RANBP2: variants seen among roughly 807,000 people sequenced by gnomAD.
RANBP2 encodes RAN binding protein 2, also known as E3 SUMO-protein ligase RanBP2.
RANBP2 carries 57 observed loss-of-function variants against 303.6 expected under a neutral mutation model. The ratio of observed to expected loss-of-function variants is 0.19; its 90% CI spans 0.15 to 0.23. The LOEUF (loss-of-function observed/expected upper bound fraction) is 0.23, where lower values mean the gene tolerates loss of function less well. RANBP2 is among the 10% of genes least tolerant of loss of function. The pLI is 1.00. For synonymous variants in RANBP2, 1,167 were observed against 1,301.5 expected (o/e 0.90, Z 2.23); for missense variants, 3,138 against 3,780.8 (o/e 0.83, Z 4.46).
At chr2:109,008,733 T>C in the RANBP2 span, among the ~76,000 whole-genome samples, 1 of 151,322 alleles carries the variant, frequency 6.6e-6, no homozygotes, top group Admixed American at 6.6e-5. Context: ...AAACCCCGTC[T>C]TTACTAAAAA....
the RANBP2 span, among the ~76,000 whole-genome samples, chr2:109,590,056 G>GTA: frequency 4.8e-4 from 70 of 145,010 alleles, no homozygotes; most frequent in Non-Finnish European, 5.4e-4. Context: ...ATATGTGTGT[G>GTA]TATATATATA....
the RANBP2 span, among the ~76,000 whole-genome samples, chr2:109,649,327 A>G: frequency 6.6e-6 from 1 of 152,124 alleles, no homozygotes; most frequent in African/African-American, 2.4e-5. Context: ...AATATGAGGT[A>G]TGTGTTCCTG....
chr2:109,324,610 A>G, the RANBP2 span, among the ~76,000 whole-genome samples: 5 of 152,248 alleles, frequency 3.3e-5, no homozygotes, highest in African/African-American at 1.2e-4. Flanking sequence ...CAAAGTGCTA[A>G]TAAGCCCTTT....
At chr2:108,979,990 T>C in the RANBP2 span, among the ~76,000 whole-genome samples, 1 of 147,116 alleles carries the variant, frequency 6.8e-6, no homozygotes, top group African/African-American at 2.5e-5. Context: ...GCTTCTTCAC[T>C]TGAAAATCAG....
the RANBP2 span, chr2:108,876,194 A>G: frequency 1.2e-6 from 2 of 1,613,120 alleles, no homozygotes; most frequent in East Asian, 4.5e-5. Flanking sequence ...TCTAAATTCA[A>G]CTCTGTTCAA....
At chr2:109,394,978 A>G in the RANBP2 span, among the ~76,000 whole-genome samples, 1 of 152,186 alleles carries the variant, frequency 6.6e-6, no homozygotes, top group Non-Finnish European at 1.5e-5. Context: ...GCCCACAAGG[A>G]TGTGTGTGGC....
chr2:109,021,211 A>C, the RANBP2 span, among the ~76,000 whole-genome samples: 1 of 152,146 alleles, frequency 6.6e-6, no homozygotes, highest in Admixed American at 6.5e-5. Flanking sequence ...ACCGATCAGC[A>C]TGGGGTCTGT....
At chr2:109,726,589 C>T in the RANBP2 span, among the ~76,000 whole-genome samples, 5 of 152,270 alleles carry the variant, frequency 3.3e-5, no homozygotes, top group South Asian at 2.1e-4. Context: ...CGTTACTAGG[C>T]TACTAACAAG....
chr2:109,249,532 TTTCC>T, the RANBP2 span, among the ~76,000 whole-genome samples: 638 of 96,328 alleles, frequency 6.6e-3, 4 homozygotes, highest in East Asian at 0.011. Flanking sequence ...TCTTTCTTTC[TTTCC>T]TTCCTTCCTT....
the RANBP2 span, among the ~76,000 whole-genome samples, chr2:109,076,731 A>C: frequency 4.0e-5 from 6 of 150,762 alleles, 1 homozygote; most frequent in South Asian, 1.3e-3. Context: ...ACACTAATGA[A>C]AAAAATTGAA....
the RANBP2 span, among the ~76,000 whole-genome samples, chr2:109,230,340 G>A: frequency 6.6e-6 from 1 of 152,090 alleles, no homozygotes; most frequent in Non-Finnish European, 1.5e-5. Flanking sequence ...CTTCCGAGAG[G>A]CCAAGGTGGG....
At chr2:109,726,532 G>T in the RANBP2 span, among the ~76,000 whole-genome samples, 1 of 152,130 alleles carries the variant, frequency 6.6e-6, no homozygotes, top group African/African-American at 2.4e-5. Context: ...GGTCCGTGTC[G>T]CAGAGGAGAC....
the RANBP2 span, among the ~76,000 whole-genome samples, chr2:109,257,308 A>G: frequency 6.6e-6 from 1 of 150,458 alleles, no homozygotes; most frequent in East Asian, 2.0e-4. Flanking sequence ...ATGTGGGCTT[A>G]AGGAAGAGGG....
chr2:109,740,134 G>A, the RANBP2 span, among the ~76,000 whole-genome samples: 41 of 149,262 alleles, frequency 2.7e-4, 1 homozygote, highest in Non-Finnish European at 4.4e-4. Context: ...GACTACAGGC[G>A]CAGGCCACCA....
chr2:108,831,659 A>T, the RANBP2 span, among the ~76,000 whole-genome samples: 1 of 150,946 alleles, frequency 6.6e-6, no homozygotes, highest in African/African-American at 2.5e-5. Flanking sequence ...CCTAGGTTCT[A>T]TCCCTGGAAT....
the RANBP2 span, among the ~76,000 whole-genome samples, chr2:109,444,685 T>A: frequency 6.6e-6 from 1 of 152,052 alleles, no homozygotes; most frequent in Non-Finnish European, 1.5e-5. Flanking sequence ...TAAACCTAGT[T>A]CTAAGGGAGG....
the RANBP2 span, among the ~76,000 whole-genome samples, chr2:109,303,074 T>C: frequency 6.6e-6 from 1 of 152,108 alleles, no homozygotes; most frequent in Admixed American, 6.5e-5. Context: ...CGGGGTTTCA[T>C]CATGCTGGCC....
the RANBP2 span, among the ~76,000 whole-genome samples, chr2:109,057,556 CTG>C: frequency 6.6e-6 from 1 of 152,244 alleles, no homozygotes; most frequent in Non-Finnish European, 1.5e-5. Context: ...TCATGGAACT[CTG>C]TGGAGAGTCA....
the RANBP2 span, among the ~76,000 whole-genome samples, chr2:109,527,156 A>G: frequency 0.047 from 7,121 of 152,250 alleles, 566 homozygotes; most frequent in African/African-American, 0.16. Context: ...GCAACACCTC[A>G]CACAAACCCA....
Sources: gnomAD v4.1 joint callset for allele counts (sites outside exome capture counted in the v4.1 genomes callset) on GRCh38, gnomAD v4.1.1 for gene constraint, MANE v1.5 for transcripts, NCBI Gene and HGNC (gene_info 2026-07-23, HGNC 2026-07-21) for gene names.